PDE10A: variants seen among roughly 807,000 people sequenced by gnomAD.
PDE10A encodes the protein cAMP and cAMP-inhibited cGMP 3',5'-cyclic phosphodiesterase 10A.
PDE10A carries 39 observed loss-of-function variants against 97.7 expected under a neutral mutation model. The ratio of observed to expected loss-of-function variants is 0.40; its 90% CI spans 0.31 to 0.52. The LOEUF is 0.52. Among genes scored for constraint, PDE10A ranks in the 20% least tolerant of loss-of-function variants. The pLI is 0.56. For missense variants in PDE10A, 731 were observed against 1,047.8 expected (o/e 0.70, Z 4.17); for synonymous variants, 371 against 376.8 (o/e 0.98, Z 0.18).
chr6:165,770,949 AC>A (rs1420070187), intron 1 of PDE10A, among the ~76,000 whole-genome samples: 10 of 151,958 alleles, frequency 6.6e-5, no homozygotes, highest in Non-Finnish European at 1.2e-4. Flanking sequence ...CTTTTCTGGG[AC>A]CCCTCCTGTC....
chr6:165,803,641 C>A (rs944597007), intron 1 of PDE10A, among the ~76,000 whole-genome samples: 10 of 152,158 alleles, frequency 6.6e-5, no homozygotes, highest in African/African-American at 2.4e-4. Flanking sequence ...ACTGGGTGAA[C>A]GAGTGATGTC....
intron 1 of PDE10A, among the ~76,000 whole-genome samples, chr6:165,857,228 C>T (rs1020595535): frequency 2.1e-4 from 32 of 152,148 alleles, no homozygotes; most frequent in African/African-American, 7.7e-4. Context: ...AAACCTAAGA[C>T]TCCATCTCAG....
chr6:165,451,674 A>G (rs1487034717), intron 3 of PDE10A, among the ~76,000 whole-genome samples: 1 of 152,204 alleles, frequency 6.6e-6, no homozygotes, highest in Non-Finnish European at 1.5e-5. Flanking sequence ...TACTCAATAA[A>G]TATCTGTTGA....
At chr6:165,519,795 G>A (rs967358494) in intron 2 of PDE10A, among the ~76,000 whole-genome samples, 1 of 152,150 alleles carries the variant, frequency 6.6e-6, no homozygotes, top group Admixed American at 6.6e-5. Context: ...TTTTTAAGTT[G>A]AAGTGTAGAA....
intron 2 of PDE10A, among the ~76,000 whole-genome samples, chr6:165,515,523 C>CTTTTT (rs376897417): frequency 8.0e-6 from 1 of 124,496 alleles, no homozygotes; most frequent in African/African-American, 3.0e-5. Context: ...TGCTTTTGTT[C>CTTTTT]TTTTTTTTTT....
At chr6:165,353,352 TATA>T (rs1782820088) in intron 18 of PDE10A, among the ~76,000 whole-genome samples, 1 of 152,220 alleles carries the variant, frequency 6.6e-6, no homozygotes, top group Non-Finnish European at 1.5e-5. Flanking sequence ...GACATACTCT[TATA>T]ATATGACCCA....
At chr6:165,752,720 C>A (rs778747543) in intron 1 of PDE10A, among the ~76,000 whole-genome samples, 31 of 152,098 alleles carry the variant, frequency 2.0e-4, no homozygotes, top group Admixed American at 4.6e-4. Flanking sequence ...ATGAAAAACC[C>A]AGAATAATGT....
chr6:165,444,043 T>C (rs1372580806), intron 5 of PDE10A, among the ~76,000 whole-genome samples: 2 of 152,136 alleles, frequency 1.3e-5, no homozygotes, highest in East Asian at 3.9e-4. Context: ...ATTCTAAACT[T>C]TTACGTTCTG....
chr6:165,491,233 C>T (rs574501367), intron 2 of PDE10A, among the ~76,000 whole-genome samples: 3 of 152,104 alleles, frequency 2.0e-5, no homozygotes, highest in African/African-American at 4.8e-5. Flanking sequence ...ATGCACCTAA[C>T]ACTGGAGCGC....
At chr6:165,908,353 C>A (rs1782356432) in intron 1 of PDE10A, among the ~76,000 whole-genome samples, 1 of 152,178 alleles carries the variant, frequency 6.6e-6, no homozygotes, top group Admixed American at 6.5e-5. Context: ...ATAAACAACA[C>A]CCACAATGGC....
intron 1 of PDE10A, among the ~76,000 whole-genome samples, chr6:165,743,510 A>G (rs1792776121): frequency 6.6e-6 from 1 of 152,190 alleles, no homozygotes; most frequent in Non-Finnish European, 1.5e-5. Context: ...CTGTAGAATC[A>G]CTGAATGATA....
intron 1 of PDE10A, among the ~76,000 whole-genome samples, chr6:165,576,134 A>C (rs1299357387): frequency 6.6e-6 from 1 of 152,178 alleles, no homozygotes; most frequent in African/African-American, 2.4e-5. Flanking sequence ...CCCAACTAGA[A>C]CACCACAGAA....
Position 165,642,053 on chromosome 6 carries a change from G to A in PDE10A, c.865+19894C>T, listed in dbSNP as rs576498405. Among the ~76,000 whole-genome samples, 73 of 152,282 alleles carry A rather than the reference G, an allele frequency of 4.8e-4. No individual in the cohort carries two copies. The South Asian group carries it at 0.01, about 22-fold the overall frequency. The stretch of plus-strand genomic sequence containing the variant: ...GTGTGATGTGCTCATTTCATCGGGG[G>A]TGTAACTTACTGCTTTGACTCTGGG... On this transcript the variant is annotated intron_variant, in intron 1 of 21. Transcript: ENST00000539869.
chr6:165,851,305 C>T (rs1392586460), intron 1 of PDE10A, among the ~76,000 whole-genome samples: 4 of 152,176 alleles, frequency 2.6e-5, no homozygotes, highest in African/African-American at 4.8e-5. Context: ...GGAATTGACT[C>T]GATTCCATCA....
chr6:165,502,212 T>C (rs1780931844), intron 2 of PDE10A, among the ~76,000 whole-genome samples: 1 of 152,206 alleles, frequency 6.6e-6, no homozygotes, highest in South Asian at 2.1e-4. Flanking sequence ...TAGGCAATGA[T>C]TTCCTACAGT....
At chr6:165,723,784 T>C (rs1164458179) in intron 1 of PDE10A, among the ~76,000 whole-genome samples, 1 of 152,142 alleles carries the variant, frequency 6.6e-6, no homozygotes, top group African/African-American at 2.4e-5. Flanking sequence ...TGCCTCCAAT[T>C]GGATACCTAA....
intron 1 of PDE10A, among the ~76,000 whole-genome samples, chr6:165,619,710 TAGTGTAGTCC>T (rs1310616756): frequency 1.3e-4 from 20 of 151,520 alleles, no homozygotes; most frequent in Admixed American, 5.3e-4. Flanking sequence ...CAGTGTAGTG[TAGTGTAGTCC>T]AGTGTAGTGT....
chr6:165,421,010 A>G (rs1280949914), intron 10 of PDE10A, among the ~76,000 whole-genome samples: 1 of 152,254 alleles, frequency 6.6e-6, no homozygotes. Flanking sequence ...AAATTTAGCA[A>G]TAATTAAACA....
chr6:165,827,651 T>C (rs1052161534), intron 1 of PDE10A, among the ~76,000 whole-genome samples: 3 of 152,240 alleles, frequency 2.0e-5, no homozygotes, highest in Non-Finnish European at 4.4e-5. Flanking sequence ...ATCTGTTTTC[T>C]TTCTAATGCA....
Sources: gnomAD v4.1 joint callset for allele counts (sites outside exome capture counted in the v4.1 genomes callset) on GRCh38, gnomAD v4.1.1 for gene constraint, MANE v1.5 for transcripts, NCBI Gene and HGNC (gene_info 2026-07-23, HGNC 2026-07-21) for gene names.